AGPAT4: variants seen among roughly 807,000 people sequenced by gnomAD.
AGPAT4 encodes 1-acylglycerol-3-phosphate O-acyltransferase 4.
Under a neutral mutation model 48.0 loss-of-function variants are expected in AGPAT4, and 15 were observed. The observed-to-expected ratio is 0.31, with a 90% CI of 0.21 to 0.48. The LOEUF is 0.48. AGPAT4 is among the 20% of genes least tolerant of loss of function. The pLI is 0.99. For synonymous variants in AGPAT4, 178 were observed against 198.7 expected (o/e 0.90, Z 0.88); for missense variants, 314 against 482.5 (o/e 0.65, Z 3.27).
At chr6:161,170,195 G>A (rs1780224142) in intron 2 of AGPAT4, among the ~76,000 whole-genome samples, 1 of 152,028 alleles carries the variant, frequency 6.6e-6, no homozygotes, top group Admixed American at 6.6e-5. Flanking sequence ...CTGACCGCCT[G>A]CCCTGTGGAC....
chr6:161,167,883 G>A (rs965475569), intron 2 of AGPAT4, among the ~76,000 whole-genome samples: 6 of 152,210 alleles, frequency 3.9e-5, no homozygotes, highest in Admixed American at 2.6e-4. Flanking sequence ...TGTGCTCAGC[G>A]TAGAGCACAT....
At position 161,259,141 on chromosome 6, in the gene AGPAT4, G is replaced by A. The variant is rs954924396; in HGVS notation, c.-90+14797C>T. ...ACAAATAAAAATTGTACATATTTATGGTGTACAACATAATGTTATGATATA... is the reference window on the plus strand; with the variant it reads ...ACAAATAAAAATTGTACATATTTATAGTGTACAACATAATGTTATGATATA... On this transcript the variant is annotated intron_variant, in intron 1 of 8. Coordinates refer to ENST00000320285, the MANE Select transcript of AGPAT4 (RefSeq NM_020133.3). This position sits in a 1 kb window ranked among gnomAD's most constrained non-coding sequence, Gnocchi z 4.9. 8.6e-5 allele frequency among the ~76,000 whole-genome samples: 13 copies of A among 151,960 alleles called. No homozygotes were observed. The highest frequency in any genetic ancestry group is 1.6e-4 in the Non-Finnish European group (11 of 68,002).
chr6:161,258,885 C>G (rs1437554352), intron 1 of AGPAT4, among the ~76,000 whole-genome samples: 3 of 151,904 alleles, frequency 2.0e-5, no homozygotes, highest in Non-Finnish European at 2.9e-5. Flanking sequence ...GCAACCCCCA[C>G]TCCCAGGTTC....
At position 161,217,914 on chromosome 6, in the gene AGPAT4, C is replaced by T. The variant is rs79072282; in HGVS notation, c.178+14122G>A. 1.7e-4 allele frequency among the ~76,000 whole-genome samples: 26 copies of T among 152,348 alleles called. 1 individual carries two copies. The East Asian group carries it at 5.0e-3, about 29-fold the overall frequency. ...TCTTGTTTGGATAACATGCAGAACT[C>T]ACCATCACTAGACTGTGACTGGGTT... On this transcript the variant is annotated intron_variant, in intron 2 of 8. Coordinates refer to ENST00000320285, the MANE Select transcript of AGPAT4 (RefSeq NM_020133.3). The surrounding 1 kb of genome is among the most constrained non-coding windows in gnomAD (Gnocchi z 4.9).
chr6:161,236,830 A>G lies in AGPAT4; in HGVS notation c.-89-4528T>C, dbSNP rs1782294381. 6.6e-6 allele frequency among the ~76,000 whole-genome samples: 1 copy of G among 151,994 alleles called. No homozygotes were observed. The highest frequency in any genetic ancestry group is 1.5e-5 in the Non-Finnish European group (1 of 68,014). ...GGCAGGCGAATCACTTAAACCTGGGAGGCAGAGGTTGCAGTGAGCCGAGAT... is the reference window on the plus strand; with the variant it reads ...GGCAGGCGAATCACTTAAACCTGGGGGGCAGAGGTTGCAGTGAGCCGAGAT... On this transcript the variant is annotated intron_variant, in intron 1 of 8. Coordinates refer to ENST00000320285, the MANE Select transcript of AGPAT4 (RefSeq NM_020133.3). This position sits in a 1 kb window ranked among gnomAD's most constrained non-coding sequence, Gnocchi z 5.0.
At chr6:161,194,628 A>G (rs372481901) in intron 2 of AGPAT4, among the ~76,000 whole-genome samples, 2 of 121,938 alleles carry the variant, frequency 1.6e-5, no homozygotes, top group African/African-American at 3.3e-5. Context: ...ACATGTGTGT[A>G]TGTGTATGTG....
Position 161,149,561 on chromosome 6 carries a change from T to C in AGPAT4, c.665-272A>G, listed in dbSNP as rs1353939872. Among the ~76,000 whole-genome samples the C allele has an allele frequency of 3.9e-5, 6 of 152,216 alleles. No individual in the cohort carries two copies. The highest frequency in any genetic ancestry group is 2.0e-4 in the Admixed American group (3 of 15,274). ...TTTCTTTTCTTTCTTTTCTTTTTTT[T>C]TGGAGATGGAGTCTCACTCTGTCAC... On this transcript the variant is annotated intron_variant, in intron 5 of 8. Coordinates refer to ENST00000320285, the MANE Select transcript of AGPAT4 (RefSeq NM_020133.3). This position sits in a 1 kb window ranked among gnomAD's most constrained non-coding sequence, Gnocchi z 6.5.
In AGPAT4 at chr6:161,162,836, G is replaced by A. The variant is rs139584393; in HGVS notation, c.348+3412C>T. 3.3e-5 allele frequency among the ~76,000 whole-genome samples: 5 copies of A among 152,350 alleles called. No individual in the cohort carries two copies. In the East Asian group the frequency reaches 7.7e-4, roughly 24 times the overall value. ...CGATCATGCTCTTATGCAACCAGCC[G>A]GGACCTGCTAAGGGAAAAAGATAAG... On this transcript the variant is annotated intron_variant, in intron 3 of 8. Coordinates refer to ENST00000320285, the MANE Select transcript of AGPAT4 (RefSeq NM_020133.3).
chr6:161,267,743 A>T lies in AGPAT4; in HGVS notation c.-90+6195T>A, dbSNP rs572207130. On this transcript the variant is annotated intron_variant, in intron 1 of 8. Transcript: ENST00000320285. This position sits in a 1 kb window ranked among gnomAD's most constrained non-coding sequence, Gnocchi z 5.2. The stretch of plus-strand genomic sequence containing the variant: ...GTCTCAAAAAAAAAAAGAAAAGAAA[A>T]ATATTAGCTGGGCATGTTAGTACAC... 6.6e-6 allele frequency among the ~76,000 whole-genome samples: 1 copy of T among 152,180 alleles called. No homozygotes were observed. The highest frequency in any genetic ancestry group is 1.9e-4 in the East Asian group (1 of 5,168).
intron 1 of AGPAT4, among the ~76,000 whole-genome samples, chr6:161,269,961 T>C (rs1319260021): frequency 6.6e-6 from 1 of 152,128 alleles, no homozygotes; most frequent in East Asian, 1.9e-4. Context: ...ATGAAACCAA[T>C]GGGAAATCTT....
In AGPAT4 at chr6:161,141,344, G is replaced by A. The variant is rs1425324048; in HGVS notation, c.844-1724C>T. On this transcript the variant is annotated intron_variant, in intron 7 of 8. Transcript: ENST00000320285. This position sits in a 1 kb window ranked among gnomAD's most constrained non-coding sequence, Gnocchi z 6.7. The stretch of plus-strand genomic sequence containing the variant: ...ATCAAGCAACTGAAGAACAATCAAC[G>A]TGTGTGCCAAGCACTCCTACCCTCA... Among the ~76,000 whole-genome samples, 6 of 152,072 alleles carry A rather than the reference G, an allele frequency of 3.9e-5. No individual in the cohort carries two copies. The highest frequency in any genetic ancestry group is 7.3e-5 in the Non-Finnish European group (5 of 68,034).
rs1187923448 is a variant in AGPAT4, at chr6:161,138,754, G to A, written c.1042+668C>T. ...GAGGACGCCAGGCTTGGGGAGACAG[G>A]GCCTTTCACAGGGAAACCCCAAAGT... is the stretch of plus-strand genomic sequence containing the variant. On this transcript the variant is annotated intron_variant, in intron 8 of 8. Coordinates refer to ENST00000320285, the MANE Select transcript of AGPAT4 (RefSeq NM_020133.3). The surrounding 1 kb of genome is among the most constrained non-coding windows in gnomAD (Gnocchi z 4.8). Among the ~76,000 whole-genome samples the A allele has an allele frequency of 1.3e-5, 2 of 152,064 alleles. No homozygotes were observed. Among genetic ancestry groups the A allele is most frequent in the Non-Finnish European group, 2.9e-5 (2 of 68,014 alleles).
At chr6:161,230,797 A>G (rs1487573972) in intron 2 of AGPAT4, among the ~76,000 whole-genome samples, 4 of 152,228 alleles carry the variant, frequency 2.6e-5, no homozygotes, top group African/African-American at 4.8e-5. Context: ...GGATCTTATG[A>G]ACACTTTCAA....
intron 8 of AGPAT4, among the ~76,000 whole-genome samples, chr6:161,136,895 T>C (rs1779084950): frequency 6.6e-6 from 1 of 152,206 alleles, no homozygotes; most frequent in African/African-American, 2.4e-5. Context: ...TGGCAAGCCA[T>C]GCACAGCCGT....
rs1780541266 is a variant in AGPAT4 at position 161,180,087 on chromosome 6, G to C, written c.179-13670C>G. On this transcript the variant is annotated intron_variant, in intron 2 of 8. Coordinates refer to ENST00000320285, the MANE Select transcript of AGPAT4 (RefSeq NM_020133.3). This position sits in a 1 kb window ranked among gnomAD's most constrained non-coding sequence, Gnocchi z 6.4. ...CTCAGCTCCTACTCCTCTCTAAGTAGTCAGTCACAAGACCTGGCTGCATTC... is the reference window on the plus strand; with the variant it reads ...CTCAGCTCCTACTCCTCTCTAAGTACTCAGTCACAAGACCTGGCTGCATTC... 6.6e-6 allele frequency among the ~76,000 whole-genome samples: 1 copy of C among 152,192 alleles called. No individual in the cohort carries two copies. The highest frequency in any genetic ancestry group is 2.4e-5 in the African/African-American group (1 of 41,440).
At chr6:161,250,514 T>C (rs895585920) in intron 1 of AGPAT4, among the ~76,000 whole-genome samples, 2 of 152,204 alleles carry the variant, frequency 1.3e-5, no homozygotes, top group Non-Finnish European at 2.9e-5. Flanking sequence ...CTCATTATTA[T>C]ATTTAGGCTT....
Position 161,138,374 on chromosome 6 carries a change from A to C in AGPAT4, c.1042+1048T>G, listed in dbSNP as rs575978539. 3.5e-4 allele frequency among the ~76,000 whole-genome samples: 54 copies of C among 152,300 alleles called. No individual in the cohort carries two copies. Among genetic ancestry groups the C allele is most frequent in the African/African-American group, 1.3e-3 (53 of 41,568 alleles). On this transcript the variant is annotated intron_variant, in intron 8 of 8. Coordinates refer to ENST00000320285, the MANE Select transcript of AGPAT4 (RefSeq NM_020133.3). This position sits in a 1 kb window ranked among gnomAD's most constrained non-coding sequence, Gnocchi z 4.8. ...AGCATTGGTTGGCTCAGTCAGAATGAATGAGCTAGGTTTATGTGCTGTGAC... is the reference window on the plus strand; with the variant it reads ...AGCATTGGTTGGCTCAGTCAGAATGCATGAGCTAGGTTTATGTGCTGTGAC...
chr6:161,202,857 G>A lies in AGPAT4; in HGVS notation c.178+29179C>T, dbSNP rs976020688. On this transcript the variant is annotated intron_variant, in intron 2 of 8. Transcript: ENST00000320285. This position sits in a 1 kb window ranked among gnomAD's most constrained non-coding sequence, Gnocchi z 5.4. The stretch of plus-strand genomic sequence containing the variant: ...AGCTAAGAAATGCTACTGCCTTGAA[G>A]CTGTCTGCCATGGGGAAGCCTGGGC... Among the ~76,000 whole-genome samples, 3 of 152,200 alleles carry A rather than the reference G, an allele frequency of 2.0e-5. No homozygotes were observed. Among genetic ancestry groups the A allele is most frequent in the African/African-American group, 7.2e-5 (3 of 41,452 alleles).
In AGPAT4 at chr6:161,232,251, C is replaced by A; in HGVS notation, c.-38G>T. ...CTCTTATTCAGAAATAAATAACTAC[C>A]CACAGTCAAAGATTTCCAGAAGGAA... On this transcript the variant is annotated 5_prime_UTR_variant, in exon 2 of 9. Transcript: ENST00000320285. The surrounding 1 kb of genome is among the most constrained non-coding windows in gnomAD (Gnocchi z 6.8). 6.3e-7 allele frequency: 1 copy of A among 1,575,106 alleles called. No homozygotes were observed. The highest frequency in any genetic ancestry group is 8.7e-7 in the Non-Finnish European group (1 of 1,155,704).
Sources: gnomAD v4.1 joint callset for allele counts (sites outside exome capture counted in the v4.1 genomes callset) on GRCh38, gnomAD v4.1.1 for gene constraint, Gnocchi (gnomAD v3.1) non-coding constraint, MANE v1.5 for transcripts, NCBI Gene and HGNC (gene_info 2026-07-23, HGNC 2026-07-21) for gene names.